The following SLC7A14 variants were observed in gnomAD, a reference collection of about 807,000 sequenced individuals.
SLC7A14 encodes solute carrier family 7 member 14, also known as gamma-aminobutyric acid transporter SLC7A14.
In SLC7A14, 37 loss-of-function variants were observed where a neutral mutation model predicts 60.2. The ratio of observed to expected loss-of-function variants is 0.61; its 90% confidence interval spans 0.47 to 0.81. The LOEUF (loss-of-function observed/expected upper bound fraction) is 0.81. Among genes scored for constraint, SLC7A14 ranks in the 30% least tolerant of loss-of-function variants. SLC7A14 has a pLI of 0.00. For synonymous variants in SLC7A14, 399 were observed against 395.8 expected (o/e 1.01, Z -0.10); for missense variants, 886 against 982.7 (o/e 0.90, Z 1.32).
intron 1 of SLC7A14, among the ~76,000 whole-genome samples, chr3:170,539,202 A>G (rs1713940035): frequency 6.6e-6 from 1 of 152,022 alleles, no homozygotes; most frequent in South Asian, 2.1e-4. Flanking sequence ...CTTCCTTTCC[A>G]TTCTTGAAAT....
At chr3:170,553,597 T>C (rs562323674) in intron 1 of SLC7A14, among the ~76,000 whole-genome samples, 39 of 152,284 alleles carry the variant, frequency 2.6e-4, no homozygotes, top group Non-Finnish European at 5.9e-5. Context: ...AAATATCCCA[T>C]GTGAGATGTT....
At chr3:170,563,737 T>A (rs2108311528) in intron 1 of SLC7A14, among the ~76,000 whole-genome samples, 1 of 152,274 alleles carries the variant, frequency 6.6e-6, no homozygotes, top group South Asian at 2.1e-4. Context: ...ACACTGGTCT[T>A]AAAGATTGTA....
intron 1 of SLC7A14, among the ~76,000 whole-genome samples, chr3:170,582,919 G>A (rs1230670650): frequency 1.3e-5 from 2 of 152,156 alleles, no homozygotes; most frequent in Non-Finnish European, 2.9e-5. Flanking sequence ...GTATGTTAGA[G>A]CGAACTAGAA....
At chr3:170,527,615 G>C (rs577849353) in intron 1 of SLC7A14, among the ~76,000 whole-genome samples, 1 of 152,184 alleles carries the variant, frequency 6.6e-6, no homozygotes, top group Non-Finnish European at 1.5e-5. Context: ...TGAGTCTTAA[G>C]AGGGGCCATG....
chr3:170,493,507 A>T (rs970098840), intron 4 of SLC7A14, among the ~76,000 whole-genome samples: 1 of 152,216 alleles, frequency 6.6e-6, no homozygotes, highest in Non-Finnish European at 1.5e-5. Flanking sequence ...TTGAAGAATA[A>T]AGTGGGTTGG....
At position 170,526,623 on chromosome 3, in the gene SLC7A14, A is replaced by G; in HGVS notation, c.304+10T>C. The G allele has an allele frequency of 6.2e-7, 1 of 1,612,800 alleles. No individual in the cohort carries two copies. The highest frequency in any genetic ancestry group is 1.1e-5 in the South Asian group (1 of 90,956). On this transcript the variant is annotated intron_variant, in intron 2 of 7. Transcript: ENST00000231706. ...CTTTCCACAGTACTTCCCTGCATGG[A>G]GACACTTACCTGATAATATGGATGC...
chr3:170,526,949 G>C lies in SLC7A14; in HGVS notation c.-13C>G, dbSNP rs375209623. The C allele has an allele frequency of 2.8e-5, 45 of 1,607,570 alleles. No homozygotes were observed. Among genetic ancestry groups the C allele is most frequent in the Non-Finnish European group, 3.5e-5 (41 of 1,176,960 alleles). On this transcript the variant is annotated 5_prime_UTR_variant, in exon 2 of 8. Coordinates refer to ENST00000231706, the MANE Select transcript of SLC7A14 (RefSeq NM_020949.3). ...AGAAGCCACTCATCTTGAGCGATAG[G>C]GGATGCAGTGAAGGTCAGCTGATGG... is the stretch of plus-strand genomic sequence containing the variant.
At chr3:170,485,557 T>C (rs1236976445) in intron 5 of SLC7A14, among the ~76,000 whole-genome samples, 2 of 152,046 alleles carry the variant, frequency 1.3e-5, no homozygotes, top group African/African-American at 4.8e-5. Context: ...GTGATAGAAA[T>C]TCTGGGATGG....
At chr3:170,474,781 G>A (rs1022217785) in intron 7 of SLC7A14, among the ~76,000 whole-genome samples, 1 of 152,168 alleles carries the variant, frequency 6.6e-6, no homozygotes, top group Admixed American at 6.5e-5. Context: ...GGATTCATGA[G>A]GTCCATTGCC....
intron 1 of SLC7A14, among the ~76,000 whole-genome samples, chr3:170,557,379 T>G (rs2108308282): frequency 6.6e-6 from 1 of 152,288 alleles, no homozygotes; most frequent in African/African-American, 2.4e-5. Context: ...GTTGTCCAAT[T>G]TTGTTACCTA....
chr3:170,515,214 G>A (rs1353588126), intron 2 of SLC7A14, among the ~76,000 whole-genome samples: 1 of 151,936 alleles, frequency 6.6e-6, no homozygotes, highest in Non-Finnish European at 1.5e-5. Context: ...CCAGGAGGCT[G>A]AGGCAGGAGA....
At chr3:170,471,090 G>GTGTGTGTGTGT (rs1553864202) in intron 7 of SLC7A14, among the ~76,000 whole-genome samples, 89 of 146,450 alleles carry the variant, frequency 6.1e-4, no homozygotes, top group African/African-American at 2.2e-3. Flanking sequence ...TCTGGGAAGG[G>GTGTGTGTGTGT]GTGTGTGTGT....
chr3:170,486,383 G>A lies in SLC7A14; in HGVS notation c.760-15C>T. 1 of 1,614,164 alleles carries A rather than the reference G, an allele frequency of 6.2e-7. No homozygotes were observed. Among genetic ancestry groups the A allele is most frequent in the South Asian group, 1.1e-5 (1 of 91,080 alleles). On this transcript the variant is annotated splice_polypyrimidine_tract_variant and intron_variant, in intron 4 of 7. Transcript: ENST00000231706. Reference sequence around the variant, plus strand: ...CCTTGCAGCACCTGTGTGGATGATGGCATTTGTCAGACTCAGAAGATCGGG... The same window carrying A: ...CCTTGCAGCACCTGTGTGGATGATGACATTTGTCAGACTCAGAAGATCGGG...
At chr3:170,529,266 G>A (rs1713603764) in intron 1 of SLC7A14, among the ~76,000 whole-genome samples, 2 of 152,242 alleles carry the variant, frequency 1.3e-5, no homozygotes, top group Admixed American at 6.5e-5. Context: ...ATATATATAT[G>A]TGTGTGTGTT....
chr3:170,555,679 A>G (rs1714467320), intron 1 of SLC7A14, among the ~76,000 whole-genome samples: 1 of 152,196 alleles, frequency 6.6e-6, no homozygotes, highest in Non-Finnish European at 1.5e-5. Flanking sequence ...ACTGGAGGCA[A>G]TGGGAACAGA....
intron 3 of SLC7A14, among the ~76,000 whole-genome samples, chr3:170,500,438 C>CAAAAAAAAA (rs66971540): frequency 3.6e-5 from 2 of 55,630 alleles, no homozygotes; most frequent in African/African-American, 6.3e-5. Flanking sequence ...GACTCTGTCT[C>CAAAAAAAAA]AAAAAAAAAA....
chr3:170,489,403 A>G (rs1228156628), intron 4 of SLC7A14, among the ~76,000 whole-genome samples: 1 of 152,234 alleles, frequency 6.6e-6, no homozygotes, highest in Non-Finnish European at 1.5e-5. Context: ...ATCTCACCTC[A>G]CTTAAAATGG....
At chr3:170,470,308 A>ATATGTGTGTGTG (rs372412774) in intron 7 of SLC7A14, among the ~76,000 whole-genome samples, 8 of 143,594 alleles carry the variant, frequency 5.6e-5, no homozygotes, top group Non-Finnish European at 9.1e-5. Context: ...TGGAAGGAAC[A>ATATGTGTGTGTG]TGTGTGTGTG....
intron 7 of SLC7A14, among the ~76,000 whole-genome samples, chr3:170,479,601 T>C (rs754530319): frequency 2.6e-5 from 4 of 151,848 alleles, no homozygotes; most frequent in Non-Finnish European, 5.9e-5. Context: ...CCTAACAGAG[T>C]CATATTAGTT....
Sources: gnomAD v4.1 joint callset for allele counts (sites outside exome capture counted in the v4.1 genomes callset) on GRCh38, gnomAD v4.1.1 for gene constraint, MANE v1.5 for transcripts, NCBI Gene and HGNC (gene_info 2026-07-23, HGNC 2026-07-21) for gene names.